CDK5RAP3: variants seen among roughly 807,000 people sequenced by gnomAD.
CDK5RAP3 encodes the protein CDK5 regulatory subunit-associated protein 3.
Under a neutral mutation model 73.3 loss-of-function variants are expected in CDK5RAP3, and 58 were observed. The ratio of observed to expected loss-of-function variants is 0.79; its 90% CI spans 0.64 to 0.98. CDK5RAP3 has a LOEUF of 0.98. Among genes scored for constraint, CDK5RAP3 ranks in the 50% least tolerant of loss-of-function variants. The pLI, the probability that CDK5RAP3 is intolerant of heterozygous loss-of-function variation, is 0.00. For missense variants in CDK5RAP3, 525 were observed against 615.8 expected (o/e 0.85, Z 1.56); for synonymous variants, 224 against 247.5 (o/e 0.91, Z 0.89).
In CDK5RAP3 at chr17:47,976,709, C is replaced by G. The variant is rs965021171; in HGVS notation, c.799-3C>G. The G allele has an allele frequency of 6.2e-7, 1 of 1,602,510 alleles. No homozygotes were observed. Among genetic ancestry groups the G allele is most frequent in the African/African-American group, 1.3e-5 (1 of 74,580 alleles). On this transcript the variant is annotated splice_polypyrimidine_tract_variant and splice_region_variant and intron_variant, in intron 8 of 13. Transcript: ENST00000338399. The stretch of plus-strand genomic sequence containing the variant: ...TGAGCTAACACTCTCTTTCCCTTTC[C>G]AGATTGACTGGGGCGACTTTGGGGT...
At chr17:47,977,498 G>C (rs966579359) in intron 9 of CDK5RAP3, among the ~76,000 whole-genome samples, 2 of 151,952 alleles carry the variant, frequency 1.3e-5, no homozygotes, top group Non-Finnish European at 2.9e-5. Flanking sequence ...GGCCATGCTG[G>C]TAACTCCTGA....
intron 7 of CDK5RAP3, 98 bp downstream of exon 7, chr17:47,975,751 C>G (rs1175652565): frequency 1.3e-6 from 2 of 1,573,720 alleles, no homozygotes; most frequent in Non-Finnish European, 1.7e-6. Context: ...AACATTTGAA[C>G]TCTTTACACA....
intron 2 of CDK5RAP3, 119 bp downstream of exon 2, chr17:47,971,526 C>T: frequency 1.0e-6 from 1 of 985,130 alleles, no homozygotes; most frequent in South Asian, 1.7e-5. Flanking sequence ...TGACCACTGG[C>T]CTCGTTCTAT....
At chr17:47,973,751 G>T in intron 3 of CDK5RAP3, 101 bp downstream of exon 3, 1 of 1,468,518 alleles carries the variant, frequency 6.8e-7, no homozygotes, top group Non-Finnish European at 9.3e-7. Flanking sequence ...CTGGCCTTTA[G>T]AGAGGGAGCG....
intron 2 of CDK5RAP3, 29 bp downstream of exon 2, chr17:47,971,436 C>T (rs571641006): frequency 6.3e-7 from 1 of 1,577,268 alleles, no homozygotes; most frequent in Non-Finnish European, 8.6e-7. Flanking sequence ...GCGCAGCTGG[C>T]TGTCGGGGGG....
In CDK5RAP3 at chr17:47,978,312, C is replaced by A. The variant is rs896084998; in HGVS notation, c.988+402C>A. On this transcript the variant is annotated intron_variant, in intron 10 of 13. Coordinates refer to ENST00000338399, the MANE Select transcript of CDK5RAP3 (RefSeq NM_176096.3). ...TCTCGAACTCTTGACCTCAGGTGAT[C>A]CACCTGCCTCGGCCTCCCAAATGCT... is the stretch of plus-strand genomic sequence containing the variant. 3.3e-5 allele frequency among the ~76,000 whole-genome samples: 5 copies of A among 152,098 alleles called. No homozygotes were observed. The East Asian group carries it at 9.7e-4, about 29-fold the overall frequency.
chr17:47,971,485 C>T, intron 2 of CDK5RAP3, 78 bp downstream of exon 2: 1 of 1,382,104 alleles, frequency 7.2e-7, no homozygotes, highest in Non-Finnish European at 9.8e-7. Context: ...TAGCCGGGAG[C>T]TCTGACCCCT....
In CDK5RAP3 at chr17:47,978,849, G is replaced by T. The variant is rs2036485662; in HGVS notation, c.1009G>T (p.Gly337Cys). ...GGCAGCTCCAGAAGGTGTTGCCAGG[G>T]GCCCAGATGCCCTGACACTGCTTGA... ...GTQAPEGVAR[G>C]PDALTLLEYT... The change falls in exon 11 of 14, where the codon GGC becomes TGC. Residue 337 changes from glycine to cysteine, a missense_variant. Transcript: ENST00000338399. 1 of 1,613,760 alleles carries T rather than the reference G, an allele frequency of 6.2e-7. No individual in the cohort carries two copies. The highest frequency in any genetic ancestry group is 8.5e-7 in the Non-Finnish European group (1 of 1,179,930).
At chr17:47,975,684 G>T (rs768462849) in intron 7 of CDK5RAP3, 31 bp downstream of exon 7, 4 of 1,577,266 alleles carry the variant, frequency 2.5e-6, no homozygotes, top group Non-Finnish European at 3.4e-6. Context: ...CCTGGTGGGG[G>T]TGCTTTGCCT....
Position 47,977,871 on chromosome 17 carries a change from G to A in CDK5RAP3, c.949G>A (p.Val317Ile). Residue 317 changes from valine to isoleucine, a missense_variant, in exon 10 of 14, where the codon GTT (valine) becomes ATT (isoleucine). Val to Ile is a conservative substitution (Grantham distance 29). Around this residue, in one of 2 missense-constraint regions of CDK5RAP3, gnomAD observed 409 missense variants for 429.8 expected, o/e 0.95. Transcript: ENST00000338399. The stretch of plus-strand genomic sequence containing the variant: ...TGGGATAGACTGGGGAGACGATGCT[G>A]TTGCTTTGCAGATCACAGTGCTGGA... The part of the protein sequence containing the change: ...GDGIDWGDDA[V>I]ALQITVLEAG... The A allele has an allele frequency of 1.2e-6, 2 of 1,614,056 alleles. No homozygotes were observed. Among genetic ancestry groups the A allele is most frequent in the Non-Finnish European group, 1.7e-6 (2 of 1,179,980 alleles).
intron 4 of CDK5RAP3, 22 bp downstream of exon 4, chr17:47,974,053 G>T: frequency 6.5e-7 from 1 of 1,533,782 alleles, no homozygotes; most frequent in African/African-American, 1.4e-5. Context: ...CCAAGGGCCG[G>T]TAGTATGTGG....
chr17:47,972,127 A>C (rs550285027), intron 2 of CDK5RAP3, among the ~76,000 whole-genome samples: 1 of 150,088 alleles, frequency 6.7e-6, no homozygotes, highest in Admixed American at 6.6e-5. Context: ...AAAAGCTTCC[A>C]CCTCCCCCTT....
intron 5 of CDK5RAP3, 103 bp downstream of exon 5, chr17:47,974,551 G>A (rs1220946375): frequency 1.3e-6 from 2 of 1,591,472 alleles, no homozygotes; most frequent in East Asian, 4.5e-5. Context: ...AGTGGGAAGA[G>A]ACTGGAGTGT....
intron 3 of CDK5RAP3, 25 bp from the exon 4 acceptor site, chr17:47,973,906 C>T (rs747385541): frequency 8.2e-6 from 13 of 1,576,052 alleles, no homozygotes; most frequent in Admixed American, 1.7e-5. Flanking sequence ...CTTTAGTTCT[C>T]GAAATCCCGT....
In CDK5RAP3 at chr17:47,975,334, C is replaced by T. The variant is rs761997333; in HGVS notation, c.510C>T (p.Ile170=). ...ACCACTCCTGCAAGCAGTATGGCAT[C>T]ACGGTGAGCGGCGGCAGCCTCTTCG... is the stretch of plus-strand genomic sequence containing the variant. ...QFYHSCKQYG[I]TGENVRGELL... Residue 170 remains isoleucine (I), a synonymous_variant, in exon 6 of 14, where the codon ATC becomes ATT. Coordinates refer to ENST00000338399, the MANE Select transcript of CDK5RAP3 (RefSeq NM_176096.3). The T allele has an allele frequency of 1.4e-5, 23 of 1,613,492 alleles. No homozygotes were observed. The highest frequency in any genetic ancestry group is 1.9e-5 in the Non-Finnish European group (23 of 1,179,626).
At chr17:47,970,811 G>T (rs1415725782), upstream of CDK5RAP3, 2 of 1,432,048 alleles carry the variant, frequency 1.4e-6, no homozygotes, top group African/African-American at 1.4e-5. Flanking sequence ...CCCGCCAGGG[G>T]AAGCGGCTGC....
rs2036543884 is a variant in CDK5RAP3 at position 47,981,169 on chromosome 17, G to A, written c.1290G>A (p.Val430=). The change falls in exon 13 of 14, where the codon GTG becomes GTA. Residue 430 remains valine (V), a synonymous_variant. Coordinates refer to ENST00000338399, the MANE Select transcript of CDK5RAP3 (RefSeq NM_176096.3). ...ACCTGAGTGCCCCGCACAGGTATGT[G>A]GACCGAGTGACTGAATTCCTCCAGC... ...LFMILASPRY[V]DRVTEFLQQK... 6.2e-7 allele frequency: 1 copy of A among 1,614,004 alleles called. No individual in the cohort carries two copies. Among genetic ancestry groups the A allele is most frequent in the Non-Finnish European group, 8.5e-7 (1 of 1,179,904 alleles).
chr17:47,974,371 C>A, intron 4 of CDK5RAP3, 29 bp from the exon 5 acceptor site: 1 of 1,599,568 alleles, frequency 6.3e-7, no homozygotes, highest in Non-Finnish European at 8.6e-7. Context: ...GCTTTTCTGG[C>A]TTAACATTGT....
At chr17:47,980,529 A>G (rs565742390) in intron 11 of CDK5RAP3, 64 bp from the exon 12 acceptor site, 1 of 1,477,064 alleles carries the variant, frequency 6.8e-7, no homozygotes, top group African/African-American at 1.4e-5. Flanking sequence ...GGCCTCCCAC[A>G]GTGCTGGAAT....
Sources: allele counts gnomAD v4.1 joint callset (sites outside exome capture counted in the v4.1 genomes callset), GRCh38; gene constraint gnomAD v4.1.1; regional missense constraint gnomAD v4.1.1; transcripts MANE v1.5; gene names NCBI Gene and HGNC (gene_info 2026-07-23, HGNC 2026-07-21).